The following TNKS variants were observed in gnomAD, a reference collection of about 807,000 sequenced individuals.
The protein encoded by TNKS is tankyrase, also known as poly [ADP-ribose] polymerase tankyrase-1.
TNKS carries 72 observed loss-of-function variants against 135.8 expected under a neutral mutation model. That is an observed-to-expected ratio of 0.53 (90% confidence interval 0.44 to 0.64). TNKS has a LOEUF of 0.64. Ranked by LOEUF, TNKS falls within the 30% of genes least tolerant of loss-of-function variation. TNKS has a pLI of 0.00. For missense variants in TNKS, 1,769 were observed against 1,674.0 expected (o/e 1.06, Z -0.99); for synonymous variants, 849 against 649.3 (o/e 1.31, Z -4.68).
chr8:9,584,917 A>T (rs1798311178), intron 2 of TNKS, among the ~76,000 whole-genome samples: 1 of 152,194 alleles, frequency 6.6e-6, no homozygotes, highest in East Asian at 1.9e-4. Context: ...CGCATGTGGG[A>T]TTGTCACTGT....
chr8:9,629,060 TGCCA>T (rs1201287090), intron 3 of TNKS, among the ~76,000 whole-genome samples: 2 of 152,244 alleles, frequency 1.3e-5, no homozygotes, highest in African/African-American at 4.8e-5. Flanking sequence ...TTGTTGTAAC[TGCCA>T]GCAAACATTC....
At chr8:9,596,524 A>G (rs1798792509) in intron 2 of TNKS, among the ~76,000 whole-genome samples, 1 of 152,200 alleles carries the variant, frequency 6.6e-6, no homozygotes, top group African/African-American at 2.4e-5. Flanking sequence ...GGTGGGTATT[A>G]GATTTTTCAT....
chr8:9,611,430 G>C (rs904167584), intron 2 of TNKS, among the ~76,000 whole-genome samples: 3 of 152,132 alleles, frequency 2.0e-5, no homozygotes, highest in Non-Finnish European at 4.4e-5. Context: ...AAAATAATAT[G>C]ACACTGTATC....
chr8:9,708,210 T>A (rs1804142797), intron 8 of TNKS, among the ~76,000 whole-genome samples, 161 bp from the exon 9 acceptor site: 1 of 152,190 alleles, frequency 6.6e-6, no homozygotes, highest in South Asian at 2.1e-4. Flanking sequence ...TTAATCTACA[T>A]CCTCATCTTT....
At chr8:9,684,548 G>T (rs182517689) in intron 5 of TNKS, among the ~76,000 whole-genome samples, 18 of 152,022 alleles carry the variant, frequency 1.2e-4, no homozygotes, top group Admixed American at 1.1e-3. Flanking sequence ...AATAGGTAGG[G>T]GTTAGGGACT....
chr8:9,578,766 C>T (rs1184103282), intron 1 of TNKS, among the ~76,000 whole-genome samples: 3 of 152,032 alleles, frequency 2.0e-5, no homozygotes, highest in African/African-American at 2.4e-5. Flanking sequence ...CAGTATTACA[C>T]AATAATAGTA....
intron 3 of TNKS, among the ~76,000 whole-genome samples, chr8:9,649,116 C>G (rs888918833): frequency 6.6e-6 from 1 of 152,122 alleles, no homozygotes; most frequent in Non-Finnish European, 1.5e-5. Context: ...TATAAACATA[C>G]TTTTCATTAC....
intron 1 of TNKS, among the ~76,000 whole-genome samples, chr8:9,572,886 A>C (rs373482650): frequency 6.6e-6 from 1 of 152,158 alleles, no homozygotes; most frequent in Non-Finnish European, 1.5e-5. Flanking sequence ...TTTTAAACTC[A>C]TAGGTATTGC....
intron 5 of TNKS, among the ~76,000 whole-genome samples, chr8:9,681,555 TGA>T (rs1802784704): frequency 6.6e-6 from 1 of 152,018 alleles, no homozygotes; most frequent in Admixed American, 6.6e-5. Context: ...TTTTTTTAAA[TGA>T]GAGTTAATTT....
At chr8:9,720,623 T>C (rs2128812687) in intron 12 of TNKS, 78 bp downstream of exon 12, 1 of 1,414,556 alleles carries the variant, frequency 7.1e-7, no homozygotes, top group Non-Finnish European at 9.4e-7. Flanking sequence ...AACTTTGCAG[T>C]GTTTACTTTG....
intron 3 of TNKS, among the ~76,000 whole-genome samples, chr8:9,655,833 C>T (rs554106973): frequency 5.9e-5 from 9 of 152,026 alleles, no homozygotes; most frequent in Non-Finnish European, 8.8e-5. Flanking sequence ...AAAATCAAAG[C>T]GCCTCTCGTC....
chr8:9,733,474 A>T (rs760383117), intron 15 of TNKS, 30 bp downstream of exon 15: 1 of 1,569,526 alleles, frequency 6.4e-7, no homozygotes, highest in Non-Finnish European at 8.7e-7. Flanking sequence ...ATGAAATATA[A>T]CTAATTTTAT....
At chr8:9,684,279 T>C (rs1802898170) in intron 5 of TNKS, among the ~76,000 whole-genome samples, 1 of 152,118 alleles carries the variant, frequency 6.6e-6, no homozygotes, top group Non-Finnish European at 1.5e-5. Flanking sequence ...TCAGATGTTT[T>C]ATTAGCTATT....
chr8:9,680,571 TA>T (rs1802740212), intron 4 of TNKS, among the ~76,000 whole-genome samples, 153 bp from the exon 5 acceptor site: 2 of 152,300 alleles, frequency 1.3e-5, no homozygotes, highest in Admixed American at 6.5e-5. Flanking sequence ...AGAAATATAT[TA>T]ATTGAATTGA....
At chr8:9,690,876 C>T (rs1330536258) in intron 5 of TNKS, among the ~76,000 whole-genome samples, 1 of 152,096 alleles carries the variant, frequency 6.6e-6, no homozygotes, top group African/African-American at 2.4e-5. Flanking sequence ...TATTTTATCT[C>T]TGTTCATGTA....
chr8:9,781,481 G>A lies in TNKS; in HGVS notation c.*4745G>A, dbSNP rs1563233820. On this transcript the variant is annotated 3_prime_UTR_variant, in exon 27 of 27. Coordinates refer to ENST00000310430, the MANE Select transcript of TNKS (RefSeq NM_003747.3). ...TTAGGAAAGAACACAGATCTTTGAG[G>A]CCGATAGCCTAGACCTAGAAGATGA... 1 of 152,204 alleles carries A rather than the reference G, an allele frequency of 6.6e-6. No homozygotes were observed. Among genetic ancestry groups the A allele is most frequent in the Admixed American group, 6.5e-5 (1 of 15,284 alleles). 9.4% of individuals were successfully genotyped at this position (152,204 alleles called of 1,614,324 possible).
chr8:9,568,867 C>G (rs1797651485), intron 1 of TNKS, among the ~76,000 whole-genome samples: 1 of 152,184 alleles, frequency 6.6e-6, no homozygotes, highest in Non-Finnish European at 1.5e-5. Flanking sequence ...AACGTAGAAT[C>G]TGAAGCCAAA....
At position 9,730,922 on chromosome 8, in the gene TNKS, A is replaced by C. The variant is rs1284042290; in HGVS notation, c.2034A>C (p.Arg678Ser). 1 of 1,613,810 alleles carries C rather than the reference A, an allele frequency of 6.2e-7. No homozygotes were observed. Among genetic ancestry groups the C allele is most frequent in the Admixed American group, 1.7e-5 (1 of 59,952 alleles). Residue 678 changes from arginine to serine, a missense_variant, in exon 14 of 27, where the codon AGA (arginine) becomes AGC (serine). This residue lies in a region of TNKS where 523 missense variants were observed against 541.0 expected (regional missense o/e 0.97). Transcript: ENST00000310430. ...GCAGCTCTCAAAATGTGAATTGTAG[A>C]GACTTAGAGGGCCGGCATTCCACGC... is the stretch of plus-strand genomic sequence containing the variant. ...QLCSSQNVNCRDLEGRHSTPL... is the reference protein window; with the variant it reads ...QLCSSQNVNCSDLEGRHSTPL...
intron 15 of TNKS, among the ~76,000 whole-genome samples, chr8:9,733,815 C>G (rs954265749): frequency 3.9e-5 from 6 of 152,026 alleles, no homozygotes; most frequent in African/African-American, 4.8e-5. Flanking sequence ...TTATTGTTAA[C>G]TAACTCATTC....
Sources: gnomAD v4.1 joint callset for allele counts (sites outside exome capture counted in the v4.1 genomes callset) on GRCh38, gnomAD v4.1.1 for gene constraint, gnomAD v4.1.1 regional missense constraint, MANE v1.5 for transcripts, NCBI Gene and HGNC (gene_info 2026-07-23, HGNC 2026-07-21) for gene names.